CRACDL: variants seen among roughly 807,000 people sequenced by gnomAD.
CRACDL encodes the protein CRACD-like protein.
CRACDL carries 26 observed loss-of-function variants against 70.6 expected under a neutral mutation model. That is an observed-to-expected ratio of 0.37 (90% CI 0.27 to 0.51). CRACDL has a LOEUF of 0.51. CRACDL is among the 20% of genes least tolerant of loss of function. The pLI is 0.94. For missense variants in CRACDL, 1,283 were observed against 1,376.9 expected (o/e 0.93, Z 1.08); for synonymous variants, 618 against 615.2 (o/e 1.00, Z -0.07).
chr2:98,832,740 G>T, intron 4 of CRACDL, 122 bp downstream of exon 4: 1 of 1,278,018 alleles, frequency 7.8e-7, no homozygotes, highest in Non-Finnish European at 1.1e-6. Flanking sequence ...TCCTGGGGGA[G>T]CTGTCATGTA....
chr2:98,827,201 A>G (rs1307705321), intron 5 of CRACDL, 32 bp from the exon 6 acceptor site: 3 of 1,528,278 alleles, frequency 2.0e-6, no homozygotes, highest in Non-Finnish European at 2.7e-6. Context: ...CACACGGAGC[A>G]TGAACTTCAC....
chr2:98,822,250 G>T lies in CRACDL; in HGVS notation c.2023C>A (p.Pro675Thr). 1 of 1,598,202 alleles carries T rather than the reference G, an allele frequency of 6.3e-7. No homozygotes were observed. Among genetic ancestry groups the T allele is most frequent in the South Asian group, 1.1e-5 (1 of 90,450 alleles). ...EPCPAAQEPAPSEDRNPFPVK... is the reference protein window; with the variant it reads ...EPCPAAQEPATSEDRNPFPVK... ...GGGAAGGGGTTTCTGTCCTCACTCG[G>T]GGCCGGCTCCTGGGCGGCTGGGCAG... Residue 675 changes from proline to threonine, a missense_variant, in exon 7 of 10, where the codon CCG (proline) becomes ACG (threonine). Transcript: ENST00000397899. This position sits in a 1 kb window ranked among gnomAD's most constrained non-coding sequence, Gnocchi z 4.9.
At position 98,823,131 on chromosome 2, in the gene CRACDL, C is replaced by G; in HGVS notation, c.1142G>C (p.Cys381Ser). The G allele has an allele frequency of 6.4e-7, 1 of 1,569,338 alleles. No homozygotes were observed. The highest frequency in any genetic ancestry group is 8.6e-7 in the Non-Finnish European group (1 of 1,161,368). Residue 381 changes from cysteine (C) to serine (S), a missense_variant, in exon 7 of 10, where the codon TGT (cysteine) becomes TCT (serine). By Grantham distance (112) the Cys-to-Ser change is moderately radical. Coordinates refer to ENST00000397899, the MANE Select transcript of CRACDL (RefSeq NM_207362.3). This position sits in a 1 kb window ranked among gnomAD's most constrained non-coding sequence, Gnocchi z 4.0. ...CTCCGCCTTGTCCGTGGCCGGGGCA[C>G]ACGGGCCTGCGGGGGGCGCCTCCCC... ...QDGEAPPAGP[C>S]APATDKAEEV...
chr2:98,866,378 T>C (rs527753897), intron 1 of CRACDL, among the ~76,000 whole-genome samples: 1 of 151,784 alleles, frequency 6.6e-6, no homozygotes, highest in South Asian at 2.1e-4. Context: ...TGCATGGTAG[T>C]GCTCAATAAA....
intron 1 of CRACDL, among the ~76,000 whole-genome samples, chr2:98,847,053 T>C (rs573395255): frequency 6.6e-6 from 1 of 152,348 alleles, no homozygotes; most frequent in South Asian, 2.1e-4. Context: ...CTGAAACAAA[T>C]GCTTCACTAA....
chr2:98,914,722 C>A (rs780329017), intron 1 of CRACDL, among the ~76,000 whole-genome samples: 1 of 152,212 alleles, frequency 6.6e-6, no homozygotes, highest in Non-Finnish European at 1.5e-5. Context: ...ACAGACCCCT[C>A]CATCAGTGTC....
rs144141170 is a variant in CRACDL, at chr2:98,872,950, G to A, written c.-10-26140C>T. On this transcript the variant is annotated intron_variant, in intron 1 of 9. Transcript: ENST00000397899. ...CACGCTTCCTAAGTTTTCTGACTTC[G>A]CATGCATTTTGTTCATAATTAGAAG... Among the ~76,000 whole-genome samples the A allele has an allele frequency of 2.3e-3, 345 of 152,258 alleles. 1 individual carries two copies. Among genetic ancestry groups the A allele is most frequent in the African/African-American group, 8.0e-3 (334 of 41,544 alleles).
At chr2:98,934,254 A>G (rs981717297) in intron 1 of CRACDL, among the ~76,000 whole-genome samples, 3 of 138,924 alleles carry the variant, frequency 2.2e-5, no homozygotes, top group African/African-American at 8.3e-5. Flanking sequence ...GCTGGAGTGC[A>G]GTGGTGCCAT....
At chr2:98,917,818 C>T (rs575518132) in intron 1 of CRACDL, among the ~76,000 whole-genome samples, 13 of 152,310 alleles carry the variant, frequency 8.5e-5, no homozygotes, top group South Asian at 4.1e-4. Context: ...TATCATTCCA[C>T]GCTCTATGTC....
intron 1 of CRACDL, among the ~76,000 whole-genome samples, chr2:98,903,657 A>G (rs1404734659): frequency 6.6e-6 from 1 of 152,210 alleles, no homozygotes; most frequent in Non-Finnish European, 1.5e-5. Context: ...ATGTGCCAAT[A>G]TACCAATGAT....
rs907139936 is a variant in CRACDL at position 98,798,375 on chromosome 2, C to T, written c.2417-838G>A. Among the ~76,000 whole-genome samples the T allele has an allele frequency of 1.7e-4, 21 of 124,668 alleles. 1 individual carries two copies. The highest frequency in any genetic ancestry group is 6.3e-4 in the African/African-American group (21 of 33,174). The allele number at this position is 124,668 out of a possible 152,430, so 81.8% of individuals were successfully genotyped here. ...AGGAGAATGGCGTGAACCCGGGAGG[C>T]GGAGCTTGCAGTGAGCCGAGATCGC... On this transcript the variant is annotated intron_variant, in intron 7 of 9. Transcript: ENST00000397899.
At chr2:98,832,283 CA>C in intron 5 of CRACDL, 64 bp downstream of exon 5, 1 of 1,575,748 alleles carries the variant, frequency 6.3e-7, no homozygotes, top group South Asian at 1.1e-5. Flanking sequence ...CAGGGGATCT[CA>C]GAGCTCCAGC....
chr2:98,800,342 G>T (rs1370098083), intron 7 of CRACDL, among the ~76,000 whole-genome samples: 3 of 152,122 alleles, frequency 2.0e-5, no homozygotes, highest in Non-Finnish European at 4.4e-5. Flanking sequence ...TGGGGTTGGG[G>T]GCAGGTGGAG....
chr2:98,800,475 T>G (rs1262737289), intron 7 of CRACDL, among the ~76,000 whole-genome samples: 1 of 152,144 alleles, frequency 6.6e-6, no homozygotes, highest in Admixed American at 6.5e-5. Context: ...GGAGAATCAG[T>G]CTGACTGTAG....
intron 7 of CRACDL, among the ~76,000 whole-genome samples, chr2:98,819,278 G>A (rs183937194): frequency 3.5e-4 from 54 of 152,294 alleles, no homozygotes; most frequent in African/African-American, 1.1e-3. Context: ...ATCTGACTAC[G>A]AGCTTGATAT....
At chr2:98,811,760 C>T (rs957263734) in intron 7 of CRACDL, among the ~76,000 whole-genome samples, 1 of 152,088 alleles carries the variant, frequency 6.6e-6, no homozygotes, top group Non-Finnish European at 1.5e-5. Context: ...TATATTTTTG[C>T]CTCTTCCAAA....
chr2:98,823,301 C>T lies in CRACDL; in HGVS notation c.972G>A (p.Glu324=), dbSNP rs1443272059. The change falls in exon 7 of 10, where the codon GAG becomes GAA. Residue 324 remains glutamate, a synonymous_variant. Transcript: ENST00000397899. The surrounding 1 kb of genome is among the most constrained non-coding windows in gnomAD (Gnocchi z 4.0). ...HSSALTASVE[E]GGVPGEDPSS... Reference sequence around the variant, plus strand: ...AGGGGTCCTCCCCGGGGACGCCCCCCTCCTCCACGCTGGCCGTGAGCGCGG... The same window carrying T: ...AGGGGTCCTCCCCGGGGACGCCCCCTTCCTCCACGCTGGCCGTGAGCGCGG... 2 of 1,428,172 alleles carry T rather than the reference C, an allele frequency of 1.4e-6. No homozygotes were observed. The highest frequency in any genetic ancestry group is 1.8e-6 in the Non-Finnish European group (2 of 1,102,390). 88.5% of individuals were successfully genotyped at this position (1,428,172 alleles called of 1,614,324 possible).
At chr2:98,905,198 C>T (rs1166588797) in intron 1 of CRACDL, among the ~76,000 whole-genome samples, 1 of 145,694 alleles carries the variant, frequency 6.9e-6, no homozygotes, top group Admixed American at 7.0e-5. Context: ...TGCAGTGAGC[C>T]GAGATTGCAC....
In CRACDL at chr2:98,881,619, C is replaced by T. The variant is rs184076156; in HGVS notation, c.-10-34809G>A. Among the ~76,000 whole-genome samples the T allele has an allele frequency of 2.0e-5, 3 of 152,128 alleles. No individual in the cohort carries two copies. In the South Asian group the frequency reaches 6.2e-4, roughly 32 times the overall value. On this transcript the variant is annotated intron_variant, in intron 1 of 9. Transcript: ENST00000397899. ...GTGTATCAACACCTTTGAGTGTGACCCTCGTGTCATCAGGGGAGCCTTCAG... is the reference window on the plus strand; with the variant it reads ...GTGTATCAACACCTTTGAGTGTGACTCTCGTGTCATCAGGGGAGCCTTCAG...
Sources: allele counts gnomAD v4.1 joint callset (sites outside exome capture counted in the v4.1 genomes callset), GRCh38; gene constraint gnomAD v4.1.1; non-coding constraint Gnocchi (gnomAD v3.1); transcripts MANE v1.5; gene names NCBI Gene and HGNC (gene_info 2026-07-23, HGNC 2026-07-21).